GRM8: variants seen among roughly 807,000 people sequenced by gnomAD.
GRM8 encodes metabotropic glutamate receptor 8.
A neutral mutation model predicts 87.2 loss-of-function variants in GRM8; 47 were observed. The observed-to-expected ratio is 0.54, with a 90% confidence interval of 0.43 to 0.69. The LOEUF (loss-of-function observed/expected upper bound fraction) is 0.69. GRM8 is among the 30% of genes least tolerant of loss of function. GRM8 has a pLI of 0.00. For missense variants in GRM8, 1,019 were observed against 1,139.2 expected (o/e 0.89, Z 1.52); for synonymous variants, 396 against 404.5 (o/e 0.98, Z 0.25).
At chr7:126,846,983 C>A (rs1349314346) in intron 6 of GRM8, among the ~76,000 whole-genome samples, 1 of 152,124 alleles carries the variant, frequency 6.6e-6, no homozygotes, top group East Asian at 1.9e-4. Flanking sequence ...AAAGGCATGA[C>A]TTATGCCTAT....
intron 7 of GRM8, among the ~76,000 whole-genome samples, chr7:126,706,234 A>C (rs1478986770): frequency 1.3e-5 from 2 of 152,160 alleles, no homozygotes. Flanking sequence ...AGAACCAATA[A>C]GCCAATTCCT....
chr7:126,800,195 C>T (rs771880499), intron 6 of GRM8, among the ~76,000 whole-genome samples: 6 of 151,872 alleles, frequency 4.0e-5, no homozygotes, highest in Non-Finnish European at 8.8e-5. Flanking sequence ...CTTTGTGGTT[C>T]CTTAAAAACC....
At chr7:126,942,595 C>T (rs1807077917) in intron 3 of GRM8, among the ~76,000 whole-genome samples, 1 of 152,140 alleles carries the variant, frequency 6.6e-6, no homozygotes, top group Non-Finnish European at 1.5e-5. Context: ...TACTGCTCGC[C>T]CGGCATGCAG....
intron 2 of GRM8, among the ~76,000 whole-genome samples, chr7:127,233,812 G>A (rs1231921068): frequency 1.3e-5 from 2 of 152,196 alleles, no homozygotes; most frequent in East Asian, 3.8e-4. Flanking sequence ...AAGTAATACA[G>A]CAGAGACTGA....
At chr7:126,686,548 G>A (rs1188178365) in intron 7 of GRM8, among the ~76,000 whole-genome samples, 1 of 152,178 alleles carries the variant, frequency 6.6e-6, no homozygotes, top group Non-Finnish European at 1.5e-5. Flanking sequence ...GAAGCTGTTT[G>A]CAGTCCTCCT....
intron 3 of GRM8, among the ~76,000 whole-genome samples, chr7:127,022,261 G>A (rs952236233): frequency 2.0e-5 from 3 of 151,774 alleles, no homozygotes; most frequent in Non-Finnish European, 4.4e-5. Flanking sequence ...GGAAGCAGTG[G>A]TTCTTAAGTA....
chr7:126,626,906 A>G (rs888125192), intron 7 of GRM8, among the ~76,000 whole-genome samples: 3 of 152,126 alleles, frequency 2.0e-5, no homozygotes, highest in African/African-American at 7.2e-5. Context: ...CATGAACAAC[A>G]CTGTATAGAT....
At chr7:126,482,851 GA>G (rs1584772103) in intron 9 of GRM8, among the ~76,000 whole-genome samples, 1 of 151,694 alleles carries the variant, frequency 6.6e-6, no homozygotes, top group African/African-American at 2.4e-5. Flanking sequence ...TTTTAAAGGG[GA>G]AAAACATGAC....
intron 2 of GRM8, among the ~76,000 whole-genome samples, chr7:127,177,146 G>A (rs896204830): frequency 1.3e-5 from 2 of 152,152 alleles, no homozygotes; most frequent in South Asian, 2.1e-4. Context: ...AAACAGACTC[G>A]GGGCTACTGG....
At chr7:126,854,042 G>T (rs1224521516) in intron 6 of GRM8, among the ~76,000 whole-genome samples, 1 of 152,092 alleles carries the variant, frequency 6.6e-6, no homozygotes, top group Non-Finnish European at 1.5e-5. Flanking sequence ...ACTGGGGGTG[G>T]GGTGTGGATG....
intron 9 of GRM8, among the ~76,000 whole-genome samples, chr7:126,527,463 A>C (rs1814042262): frequency 6.6e-6 from 1 of 152,242 alleles, no homozygotes; most frequent in East Asian, 1.9e-4. Flanking sequence ...GTGGATACTG[A>C]TAATCATTTT....
At chr7:127,114,232 A>C (rs1826562387) in intron 2 of GRM8, among the ~76,000 whole-genome samples, 3 of 152,172 alleles carry the variant, frequency 2.0e-5, no homozygotes. Flanking sequence ...CCCATAGTTG[A>C]TTCAGAGCAG....
chr7:127,207,456 T>C (rs1269551684), intron 2 of GRM8, among the ~76,000 whole-genome samples: 2 of 152,172 alleles, frequency 1.3e-5, no homozygotes, highest in African/African-American at 4.8e-5. Context: ...CAAGTACCAA[T>C]GTGAACGACA....
rs560652717 is a variant in GRM8, at chr7:126,544,759, C to T, written c.1495-10872G>A. Reference sequence around the variant, plus strand: ...TCCTGACCTCATGATCCGCCCGCCTCGGCCTCCCAAAGTGCTGGGATTACA... The same window carrying T: ...TCCTGACCTCATGATCCGCCCGCCTTGGCCTCCCAAAGTGCTGGGATTACA... On this transcript the variant is annotated intron_variant, in intron 8 of 10. Transcript: ENST00000339582. Among the ~76,000 whole-genome samples, 11 of 152,156 alleles carry T rather than the reference C, an allele frequency of 7.2e-5. No individual in the cohort carries two copies. In the South Asian group the frequency reaches 1.9e-3, roughly 26 times the overall value.
intron 7 of GRM8, among the ~76,000 whole-genome samples, chr7:126,738,185 C>T (rs1814454123): frequency 6.6e-6 from 1 of 152,016 alleles, no homozygotes; most frequent in Admixed American, 6.6e-5. Context: ...CTTTTCAGGA[C>T]AGGTATGATG....
rs1230156938 is a variant in GRM8 at position 126,685,209 on chromosome 7, C to A, written c.1358-75711G>T. ...CCCTAGAGACTTCCCCTGGGGGACCCCCTGGAGCCTACCACCCTGGGGGCC... is the reference window on the plus strand; with the variant it reads ...CCCTAGAGACTTCCCCTGGGGGACCACCTGGAGCCTACCACCCTGGGGGCC... On this transcript the variant is annotated intron_variant, in intron 7 of 10. Transcript: ENST00000339582. This position sits in a 1 kb window ranked among gnomAD's most constrained non-coding sequence, Gnocchi z 4.2. 1.3e-5 allele frequency among the ~76,000 whole-genome samples: 2 copies of A among 152,166 alleles called. No individual in the cohort carries two copies. Among genetic ancestry groups the A allele is most frequent in the African/African-American group, 4.8e-5 (2 of 41,440 alleles).
chr7:126,769,924 C>T lies in GRM8; in HGVS notation c.1298G>A (p.Arg433Gln), dbSNP rs780568800. The T allele has an allele frequency of 2.5e-6, 4 of 1,612,744 alleles. No homozygotes were observed. Among genetic ancestry groups the T allele is most frequent in the South Asian group, 1.1e-5 (1 of 91,050 alleles). ...LCPGYIGLCPRMSTIDGKELL... is the reference protein window; with the variant it reads ...LCPGYIGLCPQMSTIDGKELL... ...CTCTTTCCCATCAATGGTACTCATT[C>T]GTGGACAAAGGCCAATGTATCCAGG... Residue 433 changes from arginine (R) to glutamine (Q), a missense_variant, in exon 7 of 11, where the codon CGA becomes CAA. Physicochemically the swap from Arg to Gln is conservative, Grantham distance 43 (BLOSUM62 1). Coordinates refer to ENST00000339582, the MANE Select transcript of GRM8 (RefSeq NM_000845.3).
chr7:126,811,537 T>C (rs1793294759), intron 6 of GRM8, among the ~76,000 whole-genome samples: 1 of 152,074 alleles, frequency 6.6e-6, no homozygotes, highest in Non-Finnish European at 1.5e-5. Context: ...CTACAATTTA[T>C]TCATTAGTGT....
intron 7 of GRM8, among the ~76,000 whole-genome samples, chr7:126,705,776 T>G (rs1810448750): frequency 6.6e-6 from 1 of 152,194 alleles, no homozygotes; most frequent in South Asian, 2.1e-4. Context: ...TTTAAACATC[T>G]AATCTTTAAG....
Sources: gnomAD v4.1 joint callset for allele counts (sites outside exome capture counted in the v4.1 genomes callset) on GRCh38, gnomAD v4.1.1 for gene constraint, Gnocchi (gnomAD v3.1) non-coding constraint, MANE v1.5 for transcripts, NCBI Gene and HGNC (gene_info 2026-07-23, HGNC 2026-07-21) for gene names.